PRKCI: variants seen among roughly 807,000 people sequenced by gnomAD.
The protein encoded by PRKCI is protein kinase C iota.
A neutral mutation model predicts 84.0 loss-of-function variants in PRKCI; 43 were observed. The ratio of observed to expected loss-of-function variants is 0.51; its 90% CI spans 0.40 to 0.66. The LOEUF (loss-of-function observed/expected upper bound fraction) is 0.66, where lower values mean the gene tolerates loss of function less well. Ranked by LOEUF, PRKCI falls within the 30% of genes least tolerant of loss-of-function variation. The pLI is 0.00. For missense variants in PRKCI, 459 were observed against 745.6 expected (o/e 0.62, Z 4.48); for synonymous variants, 216 against 234.4 (o/e 0.92, Z 0.72).
At chr3:170,294,372 A>G (rs1466649832) in intron 14 of PRKCI, among the ~76,000 whole-genome samples, 1 of 152,272 alleles carries the variant, frequency 6.6e-6, no homozygotes, top group African/African-American at 2.4e-5. Flanking sequence ...AAGCCATCAC[A>G]GGATATAAAT....
At chr3:170,252,924 G>A (rs1316556024) in intron 2 of PRKCI, among the ~76,000 whole-genome samples, 2 of 152,112 alleles carry the variant, frequency 1.3e-5, no homozygotes, top group East Asian at 1.9e-4. Flanking sequence ...ATCTCCATGA[G>A]TTCAACTGTT....
chr3:170,244,693 A>G (rs764112074), intron 2 of PRKCI: 2 of 152,204 alleles, frequency 1.3e-5, no homozygotes, highest in Non-Finnish European at 1.5e-5. Context: ...TACAGATTTT[A>G]TTACATGTAC....
At chr3:170,243,933 G>A (rs950404418) in intron 2 of PRKCI, among the ~76,000 whole-genome samples, 2 of 152,192 alleles carry the variant, frequency 1.3e-5, no homozygotes, top group African/African-American at 2.4e-5. Context: ...TTAGACTGGG[G>A]TTCACCTGGG....
chr3:170,243,101 A>C (rs1038736377), intron 2 of PRKCI, among the ~76,000 whole-genome samples: 5 of 152,162 alleles, frequency 3.3e-5, no homozygotes, highest in East Asian at 1.9e-4. Flanking sequence ...TAAGTTATAC[A>C]TATTAAAACT....
intron 1 of PRKCI, among the ~76,000 whole-genome samples, chr3:170,233,776 A>C (rs1201692252): frequency 1.3e-5 from 2 of 152,016 alleles, no homozygotes; most frequent in African/African-American, 4.8e-5. Flanking sequence ...GCTGGAGTGC[A>C]GTGACGCAAT....
chr3:170,246,790 A>G (rs554711985), intron 2 of PRKCI, among the ~76,000 whole-genome samples: 1 of 152,266 alleles, frequency 6.6e-6, no homozygotes, highest in African/African-American at 2.4e-5. Context: ...CACCATCCCA[A>G]TCAGAAACTG....
intron 12 of PRKCI, among the ~76,000 whole-genome samples, chr3:170,291,148 A>AAG (rs200262754): frequency 1.4e-5 from 2 of 145,530 alleles, no homozygotes; most frequent in Non-Finnish European, 1.5e-5. Flanking sequence ...AAAAAAAAAA[A>AAG]GTGTTCTTAG....
chr3:170,276,864 A>ATT (rs1734127322), intron 8 of PRKCI, among the ~76,000 whole-genome samples: 1 of 152,126 alleles, frequency 6.6e-6, no homozygotes, highest in South Asian at 2.1e-4. Context: ...AATGGGAGAA[A>ATT]ATAGTCACAA....
rs946642381 is a variant in PRKCI, at chr3:170,222,541, G to C, written c.-129G>C. On this transcript the variant is annotated 5_prime_UTR_variant, in exon 1 of 18. Transcript: ENST00000295797. ...GGCGACCCTTGGGTCGGCGCTGCGGGCGAGGTGGGCAGGTAGGTGGGCGGA... is the reference window on the plus strand; with the variant it reads ...GGCGACCCTTGGGTCGGCGCTGCGGCCGAGGTGGGCAGGTAGGTGGGCGGA... 1.8e-4 allele frequency: 137 copies of C among 771,216 alleles called. No individual in the cohort carries two copies. Among genetic ancestry groups the C allele is most frequent in the Non-Finnish European group, 2.4e-4 (125 of 519,662 alleles). The allele number at this position is 771,216 out of a possible 1,614,324, so 47.8% of individuals were successfully genotyped here.
intron 2 of PRKCI, among the ~76,000 whole-genome samples, chr3:170,258,384 C>T (rs1000053010): frequency 3.3e-4 from 50 of 151,812 alleles, no homozygotes; most frequent in African/African-American, 1.1e-3. Context: ...TGACTCACTA[C>T]ACCCTCTGCT....
chr3:170,233,068 C>CAA (rs1553835285), intron 1 of PRKCI, among the ~76,000 whole-genome samples: 2 of 151,554 alleles, frequency 1.3e-5, no homozygotes, highest in Non-Finnish European at 2.9e-5. Flanking sequence ...TCTAGTCCCC[C>CAA]AAAACATTTT....
chr3:170,233,956 AG>A (rs1295164160), intron 1 of PRKCI, among the ~76,000 whole-genome samples: 1 of 150,808 alleles, frequency 6.6e-6, no homozygotes, highest in African/African-American at 2.4e-5. Context: ...CCTGACCTCT[AG>A]TGATCCGCCC....
At chr3:170,293,308 G>C in intron 13 of PRKCI, 75 bp from the exon 14 acceptor site, 1 of 1,396,566 alleles carries the variant, frequency 7.2e-7, no homozygotes, top group Middle Eastern at 2.6e-4. Flanking sequence ...TTTCCTTTAT[G>C]TGATAAAATT....
At chr3:170,231,324 T>TA (rs1448233064) in intron 1 of PRKCI, among the ~76,000 whole-genome samples, 1 of 152,176 alleles carries the variant, frequency 6.6e-6, no homozygotes, top group Non-Finnish European at 1.5e-5. Flanking sequence ...ACCTATTACA[T>TA]ACTGTTTTCT....
At chr3:170,271,256 C>A (rs1445416259) in intron 6 of PRKCI, among the ~76,000 whole-genome samples, 1 of 152,104 alleles carries the variant, frequency 6.6e-6, no homozygotes, top group Non-Finnish European at 1.5e-5. Flanking sequence ...TACTAGACAT[C>A]CAGCTCCAAC....
rs1272447670 is a variant in PRKCI at position 170,235,313 on chromosome 3, A to G, written c.185A>G (p.Asn62Ser). 6.2e-7 allele frequency: 1 copy of G among 1,614,022 alleles called. No individual in the cohort carries two copies. Among genetic ancestry groups the G allele is most frequent in the Non-Finnish European group, 8.5e-7 (1 of 1,180,012 alleles). The change falls in exon 2 of 18, where the codon AAC becomes AGC. Residue 62 changes from asparagine to serine, a missense_variant. Transcript: ENST00000295797. ...GTTCGAGACATGTGTTCTTTTGACA[A>G]CGAACAGCTCTTCACCATGAAATGG... The part of the protein sequence containing the change: ...NEVRDMCSFD[N>S]EQLFTMKWID...
At chr3:170,251,079 A>T (rs1798229) in intron 2 of PRKCI, among the ~76,000 whole-genome samples, 52,707 of 152,072 alleles carry the variant, frequency 0.35, 10,109 homozygotes, top group African/African-American at 0.51. Context: ...ACATAAAAAT[A>T]GGTTTTAAAA....
chr3:170,243,716 A>G (rs983677955), intron 2 of PRKCI, among the ~76,000 whole-genome samples: 1 of 152,234 alleles, frequency 6.6e-6, no homozygotes, highest in African/African-American at 2.4e-5. Flanking sequence ...AAAACTGTCT[A>G]TGCCTGTTAG....
intron 2 of PRKCI, among the ~76,000 whole-genome samples, chr3:170,238,521 C>G (rs1733039332): frequency 6.6e-6 from 1 of 150,760 alleles, no homozygotes; most frequent in South Asian, 2.1e-4. Flanking sequence ...CATGATTAAT[C>G]CCTTATCGAT....
Sources: gnomAD v4.1 joint callset for allele counts (sites outside exome capture counted in the v4.1 genomes callset) on GRCh38, gnomAD v4.1.1 for gene constraint, MANE v1.5 for transcripts, NCBI Gene and HGNC (gene_info 2026-07-23, HGNC 2026-07-21) for gene names.